STK32B: variants seen among roughly 807,000 people sequenced by gnomAD.
The protein encoded by STK32B is serine/threonine-protein kinase 32B.
STK32B carries 43 observed loss-of-function variants against 52.6 expected under a neutral mutation model. The ratio of observed to expected loss-of-function variants is 0.82; its 90% CI spans 0.64 to 1.05. STK32B has a LOEUF of 1.05. STK32B is among the 50% of genes least tolerant of loss of function. The pLI is 0.00. For missense variants in STK32B, 621 were observed against 534.6 expected (o/e 1.16, Z -1.59); for synonymous variants, 238 against 204.3 (o/e 1.17, Z -1.41).
At chr4:5,263,682 G>A (rs1726875317) in intron 3 of STK32B, among the ~76,000 whole-genome samples, 14 of 152,136 alleles carry the variant, frequency 9.2e-5, no homozygotes, top group Admixed American at 9.2e-4. Context: ...ACATCTTAGT[G>A]TCCTGTTTGA....
At position 5,457,934 on chromosome 4, in the gene STK32B, GGGAGGGAAGGAA is replaced by G. The variant is rs1348702501; in HGVS notation, c.783+1015_783+1026del. Among the ~76,000 whole-genome samples, 5 of 147,148 alleles carry G rather than the reference GGGAGGGAAGGAA, an allele frequency of 3.4e-5. No homozygotes were observed. In the East Asian group the frequency reaches 6.6e-4, roughly 19 times the overall value. On this transcript the variant is annotated intron_variant, in intron 8 of 11. Transcript: ENST00000282908. The stretch of plus-strand genomic sequence containing the variant: ...GAGGGAGAGAGGAAGGAAGGAGGGA[GGGAGGGAAGGAA>G]GGAAGGAAGGAAGGAAAGGAAAGAA...
At chr4:5,423,271 C>G (rs1237043446) in intron 6 of STK32B, among the ~76,000 whole-genome samples, 1 of 152,070 alleles carries the variant, frequency 6.6e-6, no homozygotes, top group Non-Finnish European at 1.5e-5. Flanking sequence ...GTCTTCCACT[C>G]AGTGGCTGAG....
In STK32B at chr4:5,492,114, G is replaced by A. The variant is rs868522216; in HGVS notation, c.1107-6831G>A. On this transcript the variant is annotated intron_variant, in intron 11 of 11. Transcript: ENST00000282908. ...AAAGTAGTTTTTTCCAATTCTGTGA[G>A]GAAAGTCATTGGTAGCTTGATGGGG... Among the ~76,000 whole-genome samples the A allele has an allele frequency of 1.1e-3, 163 of 152,104 alleles. 1 individual carries two copies. The highest frequency in any genetic ancestry group is 3.8e-3 in the African/African-American group (158 of 41,502).
chr4:5,446,904 G>A (rs1317020961), intron 7 of STK32B, 128 bp downstream of exon 7: 24 of 820,568 alleles, frequency 2.9e-5, no homozygotes, highest in Non-Finnish European at 4.3e-5. Context: ...TGCCCCCCAG[G>A]TTTCAGTCCT....
chr4:5,132,271 C>G (rs1156271589), intron 1 of STK32B, among the ~76,000 whole-genome samples: 2 of 152,072 alleles, frequency 1.3e-5, no homozygotes, highest in Admixed American at 1.3e-4. Flanking sequence ...ATTTATATTT[C>G]TTTGGGTATC....
chr4:5,150,747 A>T (rs1208965594), intron 2 of STK32B, among the ~76,000 whole-genome samples: 1 of 152,042 alleles, frequency 6.6e-6, no homozygotes, highest in Non-Finnish European at 1.5e-5. Flanking sequence ...CTCCTCTTGG[A>T]TACTCTTGGA....
At chr4:5,234,652 C>G (rs954395449) in intron 3 of STK32B, among the ~76,000 whole-genome samples, 9 of 152,190 alleles carry the variant, frequency 5.9e-5, no homozygotes, top group African/African-American at 1.9e-4. Context: ...CTCTTACAGA[C>G]TTTGTTGTTT....
chr4:5,158,192 A>G (rs1718019507), intron 2 of STK32B, among the ~76,000 whole-genome samples: 1 of 152,096 alleles, frequency 6.6e-6, no homozygotes, highest in Non-Finnish European at 1.5e-5. Flanking sequence ...TCTTCTCATA[A>G]TGACGTCTCC....
intron 3 of STK32B, among the ~76,000 whole-genome samples, chr4:5,323,375 A>G (rs906306679): frequency 6.6e-6 from 1 of 152,106 alleles, no homozygotes; most frequent in African/African-American, 2.4e-5. Context: ...TCTGAAGCAG[A>G]AGGGGAGCCC....
At chr4:5,389,847 G>T (rs74788079) in intron 4 of STK32B, among the ~76,000 whole-genome samples, 2,958 of 152,298 alleles carry the variant, frequency 0.019, 86 homozygotes, top group African/African-American at 0.065. Flanking sequence ...GAGTCTCCTG[G>T]ATTATCCAGG....
rs1735720496 is a variant in STK32B, at chr4:5,378,465, C to T, written c.435-19742C>T. Among the ~76,000 whole-genome samples, 1 of 152,180 alleles carries T rather than the reference C, an allele frequency of 6.6e-6. No homozygotes were observed. Among genetic ancestry groups the T allele is most frequent in the African/African-American group, 2.4e-5 (1 of 41,446 alleles). On this transcript the variant is annotated intron_variant, in intron 4 of 11. Coordinates refer to ENST00000282908, the MANE Select transcript of STK32B (RefSeq NM_018401.3). The surrounding 1 kb of genome is among the most constrained non-coding windows in gnomAD (Gnocchi z 4.4). ...CGTGAGTTAAATCATTTACAATTAT[C>T]ATGATTCCTGATACATTTGAACTTG...
chr4:5,399,775 G>A lies in STK32B; in HGVS notation c.472+1531G>A, dbSNP rs536828326. ...TGCAGGGTGGTGAATGTCTCATCTC[G>A]GGTGAGACTCGAAGGTCAGCCACCC... On this transcript the variant is annotated intron_variant, in intron 5 of 11. Coordinates refer to ENST00000282908, the MANE Select transcript of STK32B (RefSeq NM_018401.3). The surrounding 1 kb of genome is among the most constrained non-coding windows in gnomAD (Gnocchi z 5.4). Among the ~76,000 whole-genome samples, 26 of 152,222 alleles carry A rather than the reference G, an allele frequency of 1.7e-4. No homozygotes were observed. Among genetic ancestry groups the A allele is most frequent in the South Asian group, 4.2e-4 (2 of 4,812 alleles).
At chr4:5,176,429 G>T (rs549789783) in intron 3 of STK32B, among the ~76,000 whole-genome samples, 2 of 144,368 alleles carry the variant, frequency 1.4e-5, no homozygotes, top group African/African-American at 5.1e-5. Context: ...GTTCCTATTC[G>T]GCCATCATCT....
At chr4:5,214,755 G>A (rs917236854) in intron 3 of STK32B, among the ~76,000 whole-genome samples, 18 of 152,094 alleles carry the variant, frequency 1.2e-4, no homozygotes, top group African/African-American at 3.9e-4. Context: ...AGAAGATACT[G>A]TATATACAGA....
At chr4:5,245,515 A>T (rs1725377900) in intron 3 of STK32B, among the ~76,000 whole-genome samples, 1 of 152,074 alleles carries the variant, frequency 6.6e-6, no homozygotes, top group Non-Finnish European at 1.5e-5. Context: ...ATGGGTCTTG[A>T]GTCTTTATCC....
At chr4:5,314,120 T>C (rs1422736591) in intron 3 of STK32B, among the ~76,000 whole-genome samples, 1 of 124,532 alleles carries the variant, frequency 8.0e-6, no homozygotes, top group Non-Finnish European at 1.5e-5. Flanking sequence ...TAAGCAATTT[T>C]GAAAAAAAAA....
intron 3 of STK32B, among the ~76,000 whole-genome samples, chr4:5,321,241 A>C (rs1047252836): frequency 6.6e-6 from 1 of 152,170 alleles, no homozygotes; most frequent in Admixed American, 6.5e-5. Flanking sequence ...AAGAGCTCAC[A>C]TAGAGCAAGG....
intron 2 of STK32B, among the ~76,000 whole-genome samples, chr4:5,147,470 AGTG>A (rs1717001603): frequency 1.3e-5 from 2 of 152,214 alleles, no homozygotes; most frequent in African/African-American, 2.4e-5. Flanking sequence ...ATTGAGGAGA[AGTG>A]GTGGGAGCAA....
chr4:5,175,104 G>C (rs945373854), intron 3 of STK32B, among the ~76,000 whole-genome samples: 2 of 152,074 alleles, frequency 1.3e-5, no homozygotes, highest in African/African-American at 4.8e-5. Flanking sequence ...GGTTACTGAG[G>C]CTTGTGCATT....
Sources: gnomAD v4.1 joint callset for allele counts (sites outside exome capture counted in the v4.1 genomes callset) on GRCh38, gnomAD v4.1.1 for gene constraint, Gnocchi (gnomAD v3.1) non-coding constraint, MANE v1.5 for transcripts, NCBI Gene and HGNC (gene_info 2026-07-23, HGNC 2026-07-21) for gene names.